COL4A3: variants seen among roughly 807,000 people sequenced by gnomAD.
COL4A3 encodes collagen alpha-3(IV) chain.
In COL4A3, 135 loss-of-function variants were observed where a neutral mutation model predicts 217.4. That is an observed-to-expected ratio of 0.62 (90% confidence interval 0.54 to 0.72). COL4A3 has a LOEUF of 0.72. COL4A3 is among the 30% of genes least tolerant of loss of function. The pLI is 0.00. For synonymous variants in COL4A3, 690 were observed against 736.3 expected (o/e 0.94, Z 1.02); for missense variants, 1,868 against 2,119.9 (o/e 0.88, Z 2.33).
In COL4A3 at chr2:227,253,314, G is replaced by C; in HGVS notation, c.664G>C (p.Val222Leu). ...CTTACAGGGTCACATGGGTGAAAGA[G>C]TGATAGGACATAAAGGAGAGCGGGT... ...RGPKGHMGERVIGHKGERGVK... is the reference protein window; with the variant it reads ...RGPKGHMGERLIGHKGERGVK... Residue 222 changes from valine (V) to leucine (L), a missense_variant, in exon 12 of 52, where the codon GTG becomes CTG. This residue lies in a region of COL4A3 where 365 missense variants were observed against 333.8 expected (regional missense o/e 1.09). Transcript: ENST00000396578. The surrounding 1 kb of genome is among the most constrained non-coding windows in gnomAD (Gnocchi z 4.4). 6.2e-7 allele frequency: 1 copy of C among 1,613,866 alleles called. No individual in the cohort carries two copies. The highest frequency in any genetic ancestry group is 8.5e-7 in the Non-Finnish European group (1 of 1,179,738).
In COL4A3 at chr2:227,282,628, C is replaced by A; in HGVS notation, c.2656+96C>A. The A allele has an allele frequency of 8.8e-7, 1 of 1,135,020 alleles. No homozygotes were observed. Among genetic ancestry groups the A allele is most frequent in the Non-Finnish European group, 1.3e-6 (1 of 758,888 alleles). 70.3% of individuals were successfully genotyped at this position (1,135,020 alleles called of 1,614,324 possible). A position where few individuals can be genotyped will look rare whatever the true frequency, so the allele number is the denominator to read the frequency against. On this transcript the variant is annotated intron_variant, in intron 32 of 51. Coordinates refer to ENST00000396578, the MANE Select transcript of COL4A3 (RefSeq NM_000091.5). This position sits in a 1 kb window ranked among gnomAD's most constrained non-coding sequence, Gnocchi z 4.4. ...ATAGGCATACGCTTTTTACTCTATG[C>A]TTTTACTTAATATAAGGTTTTCCTT...
At chr2:227,237,749 T>C in intron 1 of COL4A3, 1 of 460,524 alleles carries the variant, frequency 2.2e-6, no homozygotes, top group Non-Finnish European at 4.1e-6. Flanking sequence ...TGTATTCTTA[T>C]CCGACATTTC....
At chr2:227,239,627 C>T (rs866583803) in intron 2 of COL4A3, among the ~76,000 whole-genome samples, 1 of 152,220 alleles carries the variant, frequency 6.6e-6, no homozygotes, top group African/African-American at 2.4e-5. Context: ...TGCTACCTTT[C>T]CTGCATCTCC....
At chr2:227,263,463 A>G (rs1474384449) in intron 20 of COL4A3, among the ~76,000 whole-genome samples, 1 of 152,238 alleles carries the variant, frequency 6.6e-6, no homozygotes, top group African/African-American at 2.4e-5. Context: ...AAAAAAATCT[A>G]CAAAGTAGCA....
intron 28 of COL4A3, among the ~76,000 whole-genome samples, chr2:227,278,119 A>G (rs2106136160): frequency 1.3e-5 from 1 of 77,824 alleles, no homozygotes; most frequent in African/African-American, 3.9e-5. Context: ...TCACATGTAT[A>G]CATTTCTTTT....
intron 1 of COL4A3, among the ~76,000 whole-genome samples, chr2:227,194,720 AAAG>A (rs950766053): frequency 7.2e-5 from 11 of 152,238 alleles, no homozygotes; most frequent in Non-Finnish European, 1.0e-4. Context: ...AAAAACGTAA[AAAG>A]AAGTGAATAC....
At chr2:227,204,548 C>T (rs1487876160) in intron 1 of COL4A3, among the ~76,000 whole-genome samples, 1 of 152,186 alleles carries the variant, frequency 6.6e-6, no homozygotes, top group Non-Finnish European at 1.5e-5. Context: ...TGAAGCAGGA[C>T]AGATTGTCTG....
Position 227,276,444 on chromosome 2 carries a change from C to A in COL4A3, c.1987C>A (p.Pro663Thr), listed in dbSNP as rs747891356. ...PVPGPPGPPG[P>T]PGHPGPQGPP... ...TCCAGGCCCACCAGGACCTCCAGGG[C>A]CCCCTGGCCATCCTGGCCCCCAAGG... The change falls in exon 27 of 52, where the codon CCC (proline) becomes ACC (threonine). Residue 663 changes from proline to threonine, a missense_variant. Physicochemically the swap from Pro to Thr is conservative, Grantham distance 38. Transcript: ENST00000396578. The A allele has an allele frequency of 6.2e-7, 1 of 1,613,896 alleles. No homozygotes were observed.
At chr2:227,235,148 AGG>A (rs2068622041) in intron 1 of COL4A3, among the ~76,000 whole-genome samples, 1 of 110,562 alleles carries the variant, frequency 9.0e-6, no homozygotes, top group South Asian at 2.8e-4. Flanking sequence ...GGGGGCACTG[AGG>A]ACTTGCATTT....
intron 1 of COL4A3, among the ~76,000 whole-genome samples, chr2:227,226,154 GCT>G (rs959789922): frequency 1.3e-5 from 2 of 152,174 alleles, no homozygotes; most frequent in Non-Finnish European, 2.9e-5. Context: ...GGTGGCCATT[GCT>G]CTTATATTGA....
chr2:227,256,373 T>C lies in COL4A3; in HGVS notation c.964T>C (p.Leu322=), dbSNP rs1213929853. The C allele has an allele frequency of 8.1e-6, 13 of 1,613,470 alleles. No individual in the cohort carries two copies. The highest frequency in any genetic ancestry group is 9.3e-6 in the Non-Finnish European group (11 of 1,179,580). The change falls in exon 17 of 52, where the codon TTA becomes CTA. Residue 322 remains leucine (L), a synonymous_variant. Transcript: ENST00000396578. ...GVKGNRGFPG[L]MGEDGIKGQK... ...CAAGGGCAACAGGGGTTTCCCTGGG[T>C]TAATGGGTGAAGATGGCATTAAGGT... is the stretch of plus-strand genomic sequence containing the variant.
rs2073816944 is a variant in COL4A3, at chr2:227,313,712, G to C, written c.*1842G>C. 6.6e-6 allele frequency: 1 copy of C among 152,624 alleles called. No individual in the cohort carries two copies. Among genetic ancestry groups the C allele is most frequent in the African/African-American group, 2.4e-5 (1 of 41,454 alleles). 9.5% of individuals were successfully genotyped at this position (152,624 alleles called of 1,614,324 possible). The stretch of plus-strand genomic sequence containing the variant: ...TTTTACATCTAAACTAAGATGTGCA[G>C]CATTTCACTTATTTAGATTCACTTA... On this transcript the variant is annotated 3_prime_UTR_variant, in exon 52 of 52. Transcript: ENST00000396578.
At chr2:227,187,307 G>A (rs2066068235) in intron 1 of COL4A3, among the ~76,000 whole-genome samples, 1 of 152,132 alleles carries the variant, frequency 6.6e-6, no homozygotes, top group African/African-American at 2.4e-5. Flanking sequence ...GGTGAGGATG[G>A]GGAGACGCTG....
intron 1 of COL4A3, among the ~76,000 whole-genome samples, chr2:227,209,372 C>G (rs2067227954): frequency 6.6e-6 from 1 of 152,204 alleles, no homozygotes; most frequent in Non-Finnish European, 1.5e-5. Flanking sequence ...AGGCCTGAAC[C>G]TTTTACTTCT....
At chr2:227,294,371 G>A (rs1451112777) in intron 38 of COL4A3, 119 bp from the exon 39 acceptor site, 6 of 799,282 alleles carry the variant, frequency 7.5e-6, no homozygotes, top group Non-Finnish European at 2.3e-6. Flanking sequence ...TGCAACAAGA[G>A]AGCTTCCTTA....
chr2:227,314,322 T>C lies in COL4A3; in HGVS notation c.*2452T>C, dbSNP rs4470338. ...CTGTTCAGTTGCACTTCTAAGACTT[T>C]ACTTAGCAGTAAATTATAGCTCATG... is the stretch of plus-strand genomic sequence containing the variant. On this transcript the variant is annotated 3_prime_UTR_variant, in exon 52 of 52. Coordinates refer to ENST00000396578, the MANE Select transcript of COL4A3 (RefSeq NM_000091.5). The C allele has an allele frequency of 0.2, 30,243 of 152,574 alleles. 3,037 individuals carry two copies. Among genetic ancestry groups the C allele is most frequent in the African/African-American group, 0.24 (9,808 of 41,494 alleles). The allele number at this position is 152,574 out of a possible 1,614,324, so 9.5% of individuals were successfully genotyped here. A position where few individuals can be genotyped will look rare whatever the true frequency, so the allele number is the denominator to read the frequency against.
intron 1 of COL4A3, among the ~76,000 whole-genome samples, chr2:227,175,485 A>G (rs2065643906): frequency 6.6e-6 from 1 of 152,160 alleles, no homozygotes; most frequent in African/African-American, 2.4e-5. Context: ...AATGAAATAA[A>G]AAAAACCAAG....
intron 22 of COL4A3, 141 bp downstream of exon 22, chr2:227,266,650 A>T: frequency 1.4e-6 from 1 of 732,690 alleles, no homozygotes; most frequent in Non-Finnish European, 2.4e-6. Flanking sequence ...AAAAGTATTC[A>T]TTTATCTGTA....
At chr2:227,301,250 T>C (rs758157029) in intron 43 of COL4A3, among the ~76,000 whole-genome samples, 5 of 152,224 alleles carry the variant, frequency 3.3e-5, no homozygotes, top group Non-Finnish European at 7.3e-5. Flanking sequence ...CACAAAAATA[T>C]AGTAGAGAGA....
Sources: allele counts gnomAD v4.1 joint callset (sites outside exome capture counted in the v4.1 genomes callset), GRCh38; gene constraint gnomAD v4.1.1; regional missense constraint gnomAD v4.1.1; non-coding constraint Gnocchi (gnomAD v3.1); transcripts MANE v1.5; gene names NCBI Gene and HGNC (gene_info 2026-07-23, HGNC 2026-07-21).